Variants in BRWD3 observed in about 807,000 individuals in gnomAD.
BRWD3 encodes the protein bromodomain and WD repeat domain containing 3.
In BRWD3, 10 loss-of-function variants were observed where a neutral mutation model predicts 149.7. The observed-to-expected ratio is 0.07, with a 90% CI of 0.04 to 0.11. BRWD3 has a LOEUF of 0.11. Among genes scored for constraint, BRWD3 ranks in the 10% least tolerant of loss-of-function variants. The pLI, the probability that BRWD3 is intolerant of heterozygous loss-of-function variation, is 1.00. For synonymous variants in BRWD3, 504 were observed against 456.7 expected (o/e 1.10, Z -1.32); for missense variants, 940 against 1,373.2 (o/e 0.68, Z 4.99).
At chrX:80,785,254 T>C (rs1241751791) in intron 6 of BRWD3, among the ~76,000 whole-genome samples, 1 of 112,413 alleles carries the variant, frequency 8.9e-6, no homozygotes, top group Non-Finnish European at 1.9e-5. Flanking sequence ...TCTTCTGATT[T>C]AATTTTGGTA....
chrX:80,714,679 A>G (rs2073050296), intron 20 of BRWD3, among the ~76,000 whole-genome samples: 1 of 112,064 alleles, frequency 8.9e-6, no homozygotes, highest in African/African-American at 3.2e-5. Context: ...GCCACGGACC[A>G]TTGGTCACTC....
rs1031701312 is a variant in BRWD3 at position 80,692,242 on chromosome X, A to T, written c.3264-92T>A. The T allele has an allele frequency of 6.7e-5, 56 of 836,205 alleles. No individual in the cohort carries two copies. The African/African-American group carries it at 9.8e-4, about 15-fold the overall frequency. 68.9% of individuals were successfully genotyped at this position (836,205 alleles called of 1,213,427 possible). A position where few individuals can be genotyped will look rare whatever the true frequency, so the allele number is the denominator to read the frequency against. On this transcript the variant is annotated intron_variant, in intron 28 of 40. Transcript: ENST00000373275. ...ATTTTACATGACTTCTTGGGGGTGA[A>T]ATTTGAAAAAGGGCAATACAGTTGT...
chrX:80,677,071 T>C lies in BRWD3; in HGVS notation c.4947A>G (p.Arg1649=), dbSNP rs900941103. 1 of 1,211,541 alleles carries C rather than the reference T, an allele frequency of 8.3e-7. No individual in the cohort carries two copies. Among genetic ancestry groups the C allele is most frequent in the South Asian group, 1.8e-5 (1 of 56,995 alleles). ...DHDYSKFIQT[R]PKRKLRKQHG... ...GTTGCTTTCTGAGTTTTCTTTTAGGTCTGGTTTGTATGAATTTGCTATAAT... is the reference window on the plus strand; with the variant it reads ...GTTGCTTTCTGAGTTTTCTTTTAGGCCTGGTTTGTATGAATTTGCTATAAT... Residue 1649 remains arginine, a synonymous_variant, in exon 41 of 41, where the codon AGA becomes AGG. Transcript: ENST00000373275.
chrX:80,711,114 G>A (rs2072958955), intron 20 of BRWD3, among the ~76,000 whole-genome samples: 1 of 111,873 alleles, frequency 8.9e-6, no homozygotes, highest in Non-Finnish European at 1.9e-5. Context: ...AGTCATATGT[G>A]TATATATAAT....
At chrX:80,714,343 TGCCTCAGCCTCCCGA>T (rs1463633726) in intron 20 of BRWD3, among the ~76,000 whole-genome samples, 2 of 106,588 alleles carry the variant, frequency 1.9e-5, no homozygotes, top group East Asian at 6.0e-4. Context: ...TTCTCCTGCC[TGCCTCAGCCTCCCGA>T]GTAGCTGGGA....
At chrX:80,759,496 T>C (rs1018121391) in intron 6 of BRWD3, among the ~76,000 whole-genome samples, 2 of 111,835 alleles carry the variant, frequency 1.8e-5, no homozygotes, top group Admixed American at 9.5e-5. Context: ...TCTCTAACTA[T>C]GCTTGCTCTA....
At chrX:80,730,425 G>GAAAGAAAGAAAGAAAGAAAGA (rs2073311824) in intron 12 of BRWD3, among the ~76,000 whole-genome samples, 2 of 108,607 alleles carry the variant, frequency 1.8e-5, no homozygotes, top group Non-Finnish European at 3.8e-5. Context: ...AAGAAAGAAA[G>GAAAGAAAGAAAGAAAGAAAGA]AAAGAAAGAA....
chrX:80,692,032 G>A, intron 29 of BRWD3, 54 bp from the exon 30 acceptor site: 4 of 1,180,076 alleles, frequency 3.4e-6, no homozygotes, highest in Non-Finnish European at 4.6e-6. Flanking sequence ...CCAATATCAT[G>A]TGATTACCAT....
At chrX:80,713,551 T>C (rs940452284) in intron 20 of BRWD3, among the ~76,000 whole-genome samples, 1 of 109,809 alleles carries the variant, frequency 9.1e-6, no homozygotes, top group African/African-American at 3.3e-5. Flanking sequence ...ACACAAACAC[T>C]GCGGAAGGCC....
At chrX:80,741,407 T>C (rs2073498532) in intron 8 of BRWD3, among the ~76,000 whole-genome samples, 1 of 111,637 alleles carries the variant, frequency 9.0e-6, no homozygotes, top group East Asian at 2.8e-4. Flanking sequence ...TGATTTATAA[T>C]CCTTTGGGTA....
chrX:80,768,135 A>C (rs1249658344), intron 6 of BRWD3, among the ~76,000 whole-genome samples: 7 of 112,078 alleles, frequency 6.2e-5, no homozygotes, highest in African/African-American at 1.9e-4. Flanking sequence ...GGGAGAATGG[A>C]ATCAAGTTGG....
In BRWD3 at chrX:80,673,578, G is replaced by C. The variant is rs1018986081; in HGVS notation, c.*3031C>G. 3 of 111,625 alleles carry C rather than the reference G, an allele frequency of 2.7e-5. No homozygotes were observed. The highest frequency in any genetic ancestry group is 3.8e-5 in the Non-Finnish European group (2 of 53,028). 9.2% of individuals were successfully genotyped at this position (111,625 alleles called of 1,213,427 possible). The stretch of plus-strand genomic sequence containing the variant: ...GGCTAGTAGGCTAGTGAATGTTTTA[G>C]AGAGCATCCTATTGCTGAAAGAGAA... On this transcript the variant is annotated 3_prime_UTR_variant, in exon 41 of 41. Coordinates refer to ENST00000373275, the MANE Select transcript of BRWD3 (RefSeq NM_153252.5).
At chrX:80,740,145 C>A (rs1056686696) in intron 8 of BRWD3, among the ~76,000 whole-genome samples, 4 of 111,297 alleles carry the variant, frequency 3.6e-5, no homozygotes, top group Non-Finnish European at 3.8e-5. Context: ...TTCTTGCTAG[C>A]TCCCCATAAA....
chrX:80,677,150 G>A lies in BRWD3; in HGVS notation c.4868C>T (p.Ser1623Phe). The A allele has an allele frequency of 8.3e-7, 1 of 1,211,833 alleles. No individual in the cohort carries two copies. The highest frequency in any genetic ancestry group is 1.1e-6 in the Non-Finnish European group (1 of 895,462). ...LSSESTCGSDSDSESTSRTDQ... is the reference protein window; with the variant it reads ...LSSESTCGSDFDSESTSRTDQ... ...TGTTCTGGAAGTTGATTCAGAGTCA[G>A]AGTCAGAACCACAGGTACTTTCAGA... is the stretch of plus-strand genomic sequence containing the variant. Residue 1623 changes from serine to phenylalanine, a missense_variant, in exon 41 of 41, where the codon TCT (serine) becomes TTT (phenylalanine). Transcript: ENST00000373275.
intron 6 of BRWD3, among the ~76,000 whole-genome samples, chrX:80,754,486 G>A (rs981845456): frequency 5.4e-5 from 6 of 111,232 alleles, no homozygotes; most frequent in Non-Finnish European, 1.1e-4. Context: ...TTCCAATTTG[G>A]ATGCCTTTTA....
In BRWD3 at chrX:80,729,833, TAA is replaced by T. The variant is rs1234102681; in HGVS notation, c.1232+81_1232+82del. 7 of 685,442 alleles carry T rather than the reference TAA, an allele frequency of 1.0e-5. No homozygotes were observed. In the African/African-American group the frequency reaches 1.1e-4, roughly 11 times the overall value. 56.5% of individuals were successfully genotyped at this position (685,442 alleles called of 1,213,427 possible). On this transcript the variant is annotated intron_variant, in intron 13 of 40. Transcript: ENST00000373275. ...ATTAACTTCAAACTATTTATTAATG[TAA>T]AAAGATATTTTATATTCACTATTAA...
At chrX:80,721,445 G>T (rs769897609) in intron 17 of BRWD3, among the ~76,000 whole-genome samples, 2 of 111,425 alleles carry the variant, frequency 1.8e-5, no homozygotes, top group South Asian at 7.6e-4. Context: ...TTATGAGCAA[G>T]AACATAAAAG....
rs1002747517 is a variant in BRWD3 at position 80,808,476 on chromosome X, G to T, written c.180+63C>A. ...GCTGAGAGGTGGGGGGCGGGTTGGG[G>T]GTACAAGGTGGGGAGGGAGTGGTGA... On this transcript the variant is annotated intron_variant, in intron 4 of 40. Transcript: ENST00000373275. 10 of 951,367 alleles carry T rather than the reference G, an allele frequency of 1.1e-5. No individual in the cohort carries two copies. In the African/African-American group the frequency reaches 1.2e-4, roughly 11 times the overall value. The allele number at this position is 951,367 out of a possible 1,213,427, so 78.4% of individuals were successfully genotyped here.
intron 6 of BRWD3, among the ~76,000 whole-genome samples, chrX:80,789,821 C>T (rs912970187): frequency 1.0e-5 from 1 of 100,215 alleles, no homozygotes; most frequent in Admixed American, 1.1e-4. Context: ...CATGGAACTC[C>T]TTTTTTTTTT....
Sources: allele counts gnomAD v4.1 joint callset (sites outside exome capture counted in the v4.1 genomes callset), GRCh38; gene constraint gnomAD v4.1.1; transcripts MANE v1.5; gene names NCBI Gene and HGNC (gene_info 2026-07-23, HGNC 2026-07-21).